Variants in AIFM3 observed in about 807,000 individuals in gnomAD.
AIFM3 encodes apoptosis-inducing factor 3.
In AIFM3, 71 loss-of-function variants were observed where a neutral mutation model predicts 82.7. The ratio of observed to expected loss-of-function variants is 0.86; its 90% CI spans 0.71 to 1.05. The LOEUF is 1.05. Ranked by LOEUF, AIFM3 falls within the 50% of genes least tolerant of loss-of-function variation. The pLI is 0.00. For missense variants in AIFM3, 748 were observed against 816.7 expected (o/e 0.92, Z 1.03); for synonymous variants, 337 against 329.1 (o/e 1.02, Z -0.26).
At chr22:20,971,661 C>T (rs756395329) in intron 2 of AIFM3, among the ~76,000 whole-genome samples, 13 of 152,158 alleles carry the variant, frequency 8.5e-5, no homozygotes, top group Non-Finnish European at 1.6e-4. Flanking sequence ...AGGTAAAACC[C>T]AGAGGTGCTG....
At chr22:20,973,045 T>G (rs1923367805) in intron 2 of AIFM3, among the ~76,000 whole-genome samples, 1 of 57,706 alleles carries the variant, frequency 1.7e-5, no homozygotes, top group Non-Finnish European at 5.9e-5. Context: ...AGACCCTGTC[T>G]CAAAAAAAAA....
At chr22:20,965,399 C>T (rs1406031868), upstream of AIFM3, 3 of 152,292 alleles carry the variant, frequency 2.0e-5, no homozygotes, top group Non-Finnish European at 4.4e-5. Context: ...CCTCGTCCTT[C>T]TCTCGTCCCA....
In AIFM3 at chr22:20,974,625, G is replaced by T; in HGVS notation, c.607+4G>T. On this transcript the variant is annotated splice_donor_region_variant and intron_variant, in intron 7 of 20. Transcript: ENST00000440238. ...AATGTGCTCATTGTGGGTGCAGGTT[G>T]GTAGTGGGGTCATGAGGGGCAGGGT... 6.2e-7 allele frequency: 1 copy of T among 1,613,568 alleles called. No individual in the cohort carries two copies.
chr22:20,972,175 C>G (rs558180793), intron 2 of AIFM3, among the ~76,000 whole-genome samples: 1 of 152,156 alleles, frequency 6.6e-6, no homozygotes, highest in South Asian at 2.1e-4. Flanking sequence ...GAGGCCGAAG[C>G]GGGTGGATCA....
rs2147940842 is a variant in AIFM3 at position 20,973,496 on chromosome 22, A to G, written c.221A>G (p.His74Arg). 6.2e-7 allele frequency: 1 copy of G among 1,612,428 alleles called. No individual in the cohort carries two copies. The highest frequency in any genetic ancestry group is 8.5e-7 in the Non-Finnish European group (1 of 1,179,872). The change falls in exon 3 of 21, where the codon CAC becomes CGC. Residue 74 changes from histidine (H) to arginine (R), a missense_variant. Transcript: ENST00000440238. ...PQDCVEAAVC[H>R]VKDLENGQMR... ...GATTGCGTGGAGGCTGCTGTCTGCC[A>G]CGTCAAGGACCTCGAGAATGGCCAG...
Position 20,979,332 on chromosome 22 carries a change from C to G in AIFM3, c.1539C>G (p.Leu513=), listed in dbSNP as rs140507708. The change falls in exon 17 of 21, where the codon CTC becomes CTG. Residue 513 remains leucine, a synonymous_variant. Coordinates refer to ENST00000440238, the MANE Select transcript of AIFM3 (RefSeq NM_001386814.1). Reference sequence around the variant, plus strand: ...CGGAGATGAGCACTGTGCCCTACCTCTGGACCGCCATGTTTGGCAAGAGCC... The same window carrying G: ...CGGAGATGAGCACTGTGCCCTACCTGTGGACCGCCATGTTTGGCAAGAGCC... The part of the protein sequence containing the change: ...QEAEMSTVPY[L]WTAMFGKSLR... 8.1e-5 allele frequency: 126 copies of G among 1,558,868 alleles called. No homozygotes were observed. In the African/African-American group the frequency reaches 1.5e-3, roughly 19 times the overall value.
At position 20,973,977 on chromosome 22, in the gene AIFM3, G is replaced by C; in HGVS notation, c.356-86G>C. On this transcript the variant is annotated intron_variant, in intron 4 of 20. Transcript: ENST00000440238. Reference sequence around the variant, plus strand: ...TATTAGTGAAGTCTCCTGGGCTGTGGGGAGGGGCCCGCAGTTGCCGGGGCA... The same window carrying C: ...TATTAGTGAAGTCTCCTGGGCTGTGCGGAGGGGCCCGCAGTTGCCGGGGCA... The C allele has an allele frequency of 3.3e-6, 5 of 1,499,220 alleles. No homozygotes were observed. The South Asian group carries it at 6.4e-5, about 19-fold the overall frequency. The allele number at this position is 1,499,220 out of a possible 1,614,324, so 92.9% of individuals were successfully genotyped here.
chr22:20,970,564 G>A lies in AIFM3; in HGVS notation c.31+2589G>A, dbSNP rs145545776. ...CAACCTCCGCCTCCCAGGTTCAAGC[G>A]ATTCTCCTGCCTCAGGCTCCCAAGT... is the stretch of plus-strand genomic sequence containing the variant. On this transcript the variant is annotated intron_variant, in intron 2 of 20. Transcript: ENST00000440238. Among the ~76,000 whole-genome samples the A allele has an allele frequency of 4.6e-3, 701 of 152,262 alleles. 6 individuals are homozygous for A. The highest frequency in any genetic ancestry group is 0.016 in the African/African-American group (661 of 41,532).
In AIFM3 at chr22:20,980,108, CG is replaced by C; in HGVS notation, c.1743del (p.Lys582SerfsTer61). 1.2e-6 allele frequency: 2 copies of C among 1,608,540 alleles called. No individual in the cohort carries two copies. Among genetic ancestry groups the C allele is most frequent in the Non-Finnish European group, 1.7e-6 (2 of 1,179,974 alleles). Reference protein sequence around the residue: ...AEVLASGRAIRKREVELFVLH... With the variant: ...AEVLASGRAIXKREVELFVLH... ...GGTGCTGGCCTCAGGCCGTGCCATC[CG>C]GAAGCGGGAGGTGGAGTGAGTGTGG... On this transcript the variant is annotated frameshift_variant, in exon 19 of 21. Coordinates refer to ENST00000440238, the MANE Select transcript of AIFM3 (RefSeq NM_001386814.1). LOFTEE classifies it high-confidence loss of function.
chr22:20,977,318 G>GT (rs2147947143), intron 14 of AIFM3: 1 of 631,050 alleles, frequency 1.6e-6, no homozygotes, highest in Admixed American at 2.7e-5. Flanking sequence ...CCGCTGCCCA[G>GT]TAACACTCAT....
At chr22:20,976,615 G>T in intron 11 of AIFM3, 36 bp from the exon 12 acceptor site, 2 of 1,612,596 alleles carry the variant, frequency 1.2e-6, no homozygotes, top group African/African-American at 2.7e-5. Context: ...CGAGGAAGGT[G>T]CAGGTGCCAG....
rs930475653 is a variant in AIFM3 at position 20,976,419 on chromosome 22, T to C, written c.911T>C (p.Leu304Pro). 1 of 1,614,004 alleles carries C rather than the reference T, an allele frequency of 6.2e-7. No individual in the cohort carries two copies. Among genetic ancestry groups the C allele is most frequent in the East Asian group, 2.2e-5 (1 of 44,880 alleles). Residue 304 changes from leucine (L) to proline (P), a missense_variant, in exon 11 of 21, where the codon CTG becomes CCG. Leu to Pro is a moderately conservative substitution (Grantham distance 98, BLOSUM62 -3). Coordinates refer to ENST00000440238, the MANE Select transcript of AIFM3 (RefSeq NM_001386814.1). ...CGGCCATGTCTCAGCCCCAAGACTC[T>C]GAGCTGCAAAGGCAAAGAAGTGGAG... is the stretch of plus-strand genomic sequence containing the variant. ...LLAPGSSPKTLSCKGKEVENV... is the reference protein window; with the variant it reads ...LLAPGSSPKTPSCKGKEVENV...
chr22:20,977,459 G>C, intron 14 of AIFM3: 2 of 610,334 alleles, frequency 3.3e-6, no homozygotes, highest in Admixed American at 5.7e-5. Context: ...ATGGCATGCT[G>C]TCCCTCCACT....
upstream of AIFM3, chr22:20,966,533 C>G (rs1922905435): frequency 1.3e-5 from 2 of 152,338 alleles, no homozygotes; most frequent in African/African-American, 4.8e-5. Flanking sequence ...TTCCTGGTAT[C>G]TGGACCAGAC....
intron 18 of AIFM3, 48 bp from the exon 19 acceptor site, chr22:20,979,972 G>A: frequency 1.9e-6 from 3 of 1,558,216 alleles, no homozygotes; most frequent in Non-Finnish European, 2.6e-6. Flanking sequence ...TTTTCAAAAA[G>A]GGGCTGCTGC....
chr22:20,979,470 A>C (rs1260932165), intron 17 of AIFM3, 101 bp downstream of exon 17: 8 of 1,471,436 alleles, frequency 5.4e-6, no homozygotes, highest in Non-Finnish European at 7.5e-6. Context: ...CTATGACCGC[A>C]CTAGGAAGAG....
chr22:20,967,577 G>A (rs971332724), intron 1 of AIFM3: 72 of 298,492 alleles, frequency 2.4e-4, no homozygotes, highest in Non-Finnish European at 3.9e-4. Context: ...GACGATGGGC[G>A]GCCGAGGTTC....
rs917385279 is a variant in AIFM3, at chr22:20,976,632, AC to A, written c.1031-14del. The A allele has an allele frequency of 1.2e-6, 2 of 1,611,072 alleles. No homozygotes were observed. Among genetic ancestry groups the A allele is most frequent in the Non-Finnish European group, 1.7e-6 (2 of 1,178,644 alleles). ...AGGAAGGTGCAGGTGCCAGCCTGCCACCCCCTGCCCATCACCAGGGATGGAG... is the reference window on the plus strand; with the variant it reads ...AGGAAGGTGCAGGTGCCAGCCTGCCACCCCTGCCCATCACCAGGGATGGAG... On this transcript the variant is annotated intron_variant, in intron 11 of 20. Transcript: ENST00000440238.
intron 9 of AIFM3, 50 bp from the exon 10 acceptor site, chr22:20,976,165 G>A (rs769487929): frequency 1.8e-5 from 25 of 1,404,998 alleles, no homozygotes; most frequent in Middle Eastern, 1.8e-4. Context: ...AGTGGGCGGC[G>A]AGGCCCAGCC....
Sources: gnomAD v4.1 joint callset for allele counts (sites outside exome capture counted in the v4.1 genomes callset) on GRCh38, gnomAD v4.1.1 for gene constraint, MANE v1.5 for transcripts, NCBI Gene and HGNC (gene_info 2026-07-23, HGNC 2026-07-21) for gene names.